The following CNTNAP2 variants were observed in gnomAD, a reference collection of about 807,000 sequenced individuals.
CNTNAP2 encodes the protein contactin associated protein 2, also known as contactin-associated protein-like 2.
CNTNAP2 carries 98 observed loss-of-function variants against 155.2 expected under a neutral mutation model. The observed-to-expected ratio is 0.63, with a 90% confidence interval of 0.54 to 0.75. CNTNAP2 has a LOEUF of 0.75. Among genes scored for constraint, CNTNAP2 ranks in the 30% least tolerant of loss-of-function variants. CNTNAP2 has a pLI of 0.00. For missense variants in CNTNAP2, 1,727 were observed against 1,688.1 expected (o/e 1.02, Z -0.40); for synonymous variants, 651 against 631.2 (o/e 1.03, Z -0.47).
At chr7:148,363,273 A>G (rs1798659858) in intron 21 of CNTNAP2, among the ~76,000 whole-genome samples, 2 of 152,342 alleles carry the variant, frequency 1.3e-5, no homozygotes, top group Non-Finnish European at 2.9e-5. Context: ...GTGAGCCACC[A>G]CGCACGGCCT....
At chr7:146,480,103 C>A (rs1166075983) in intron 1 of CNTNAP2, among the ~76,000 whole-genome samples, 2 of 152,092 alleles carry the variant, frequency 1.3e-5, no homozygotes, top group African/African-American at 2.4e-5. Context: ...AAAGTAGCAC[C>A]CTCTGGGAAT....
At chr7:148,046,010 T>C (rs1016390156) in intron 15 of CNTNAP2, among the ~76,000 whole-genome samples, 1 of 152,250 alleles carries the variant, frequency 6.6e-6, no homozygotes, top group Non-Finnish European at 1.5e-5. Flanking sequence ...CAAAATTAGA[T>C]ACAGCATTGC....
At chr7:147,979,853 C>T (rs1801491427) in intron 15 of CNTNAP2, among the ~76,000 whole-genome samples, 1 of 151,914 alleles carries the variant, frequency 6.6e-6, no homozygotes. Context: ...GAACTCCTGA[C>T]CCCGGGTGAT....
intron 8 of CNTNAP2, among the ~76,000 whole-genome samples, chr7:147,210,140 G>GT (rs889553117): frequency 2.6e-5 from 4 of 151,826 alleles, no homozygotes; most frequent in African/African-American, 7.3e-5. Context: ...CTCCTCCTTG[G>GT]TTTTTTGGAA....
At chr7:146,739,663 T>C in intron 1 of CNTNAP2, among the ~76,000 whole-genome samples, 1 of 152,060 alleles carries the variant, frequency 6.6e-6, no homozygotes, top group East Asian at 1.9e-4. Context: ...GTTACATACA[T>C]TTGATCTAGA....
chr7:147,931,333 C>A (rs1418262507), intron 14 of CNTNAP2, among the ~76,000 whole-genome samples: 1 of 151,700 alleles, frequency 6.6e-6, no homozygotes, highest in African/African-American at 2.4e-5. Flanking sequence ...ACATTACAAC[C>A]TGATGGCTTC....
intron 16 of CNTNAP2, among the ~76,000 whole-genome samples, chr7:148,123,262 T>C (rs1168959599): frequency 1.3e-5 from 2 of 151,788 alleles, no homozygotes; most frequent in Admixed American, 1.3e-4. Context: ...GGAAGCAAGA[T>C]GTACAAGAAA....
chr7:146,873,217 C>T (rs531834016), intron 3 of CNTNAP2, among the ~76,000 whole-genome samples: 46 of 152,050 alleles, frequency 3.0e-4, no homozygotes, highest in African/African-American at 9.4e-4. Flanking sequence ...CTGGAAGTAA[C>T]CCTTTCTACC....
chr7:148,065,706 T>A (rs1419622088), intron 15 of CNTNAP2, among the ~76,000 whole-genome samples: 1 of 152,180 alleles, frequency 6.6e-6, no homozygotes, highest in Non-Finnish European at 1.5e-5. Context: ...TCTTGAAGAC[T>A]GCAGATACTT....
rs550382967 is a variant in CNTNAP2, at chr7:147,514,913, C to T, written c.1777+28872C>T. ...CCTACTTTCACCCAGGCCCTATTCA[C>T]TCTCATCACAGCAGCCAGTGTGATT... is the stretch of plus-strand genomic sequence containing the variant. On this transcript the variant is annotated intron_variant, in intron 11 of 23. Transcript: ENST00000361727. Among the ~76,000 whole-genome samples, 17 of 152,324 alleles carry T rather than the reference C, an allele frequency of 1.1e-4. No individual in the cohort carries two copies. The South Asian group carries it at 3.3e-3, about 30-fold the overall frequency.
At chr7:148,134,120 G>A (rs749397132) in intron 16 of CNTNAP2, among the ~76,000 whole-genome samples, 1 of 152,126 alleles carries the variant, frequency 6.6e-6, no homozygotes, top group South Asian at 2.1e-4. Context: ...AGGCCTTGTC[G>A]GAAATTAGTC....
At chr7:147,000,104 G>A (rs1798393417) in intron 3 of CNTNAP2, among the ~76,000 whole-genome samples, 1 of 151,172 alleles carries the variant, frequency 6.6e-6, no homozygotes, top group African/African-American at 2.4e-5. Flanking sequence ...CAAATAACTT[G>A]TGTATCAGTT....
chr7:148,157,759 C>G (rs1805432080), intron 17 of CNTNAP2, among the ~76,000 whole-genome samples: 1 of 152,058 alleles, frequency 6.6e-6, no homozygotes, highest in Admixed American at 6.5e-5. Context: ...GTAACTAGTT[C>G]TTGGTTCTCT....
At chr7:148,173,123 TAGATTCCGC>T (rs1024865424) in intron 18 of CNTNAP2, among the ~76,000 whole-genome samples, 2 of 152,182 alleles carry the variant, frequency 1.3e-5, no homozygotes, top group African/African-American at 4.8e-5. Context: ...TAATCCCCAG[TAGATTCCGC>T]AGAGCCAATG....
intron 22 of CNTNAP2, among the ~76,000 whole-genome samples, chr7:148,387,500 T>C (rs1360247764): frequency 6.6e-6 from 1 of 152,060 alleles, no homozygotes; most frequent in East Asian, 1.9e-4. Context: ...CTAGAGGACA[T>C]TTGGAAGTAG....
intron 9 of CNTNAP2, among the ~76,000 whole-genome samples, chr7:147,328,798 G>T (rs1056294153): frequency 6.6e-6 from 1 of 151,246 alleles, no homozygotes; most frequent in Non-Finnish European, 1.5e-5. Context: ...GCAGGCGGGT[G>T]CCATATTACT....
chr7:148,309,897 TG>T (rs1797562327), intron 21 of CNTNAP2, among the ~76,000 whole-genome samples: 1 of 151,966 alleles, frequency 6.6e-6, no homozygotes. Flanking sequence ...GCAAAAATTT[TG>T]GGGGGTGGTA....
intron 1 of CNTNAP2, among the ~76,000 whole-genome samples, chr7:146,311,346 T>G (rs1053765589): frequency 6.6e-6 from 1 of 152,136 alleles, no homozygotes; most frequent in Non-Finnish European, 1.5e-5. Flanking sequence ...AACAAGTGAC[T>G]TGTTCATTTC....
At chr7:148,152,690 C>A (rs994063156) in intron 17 of CNTNAP2, among the ~76,000 whole-genome samples, 1 of 152,100 alleles carries the variant, frequency 6.6e-6, no homozygotes, top group Admixed American at 6.6e-5. Context: ...CAGGAGGGAA[C>A]CAGTTTTAAG....
Sources: allele counts gnomAD v4.1 joint callset (sites outside exome capture counted in the v4.1 genomes callset), GRCh38; gene constraint gnomAD v4.1.1; transcripts MANE v1.5; gene names NCBI Gene and HGNC (gene_info 2026-07-23, HGNC 2026-07-21).